Variants in ATXN7 observed in about 807,000 individuals in gnomAD.
The protein encoded by ATXN7 is ataxin-7.
A neutral mutation model predicts 70.5 loss-of-function variants in ATXN7; 12 were observed. The observed-to-expected ratio is 0.17, with a 90% CI of 0.11 to 0.28. The LOEUF (loss-of-function observed/expected upper bound fraction) is 0.28, where lower values mean the gene tolerates loss of function less well. ATXN7 is among the 10% of genes least tolerant of loss of function. The probability of loss-of-function intolerance (pLI) is 1.00; values close to 1 mark genes in which losing one functional copy is unlikely to be tolerated. For synonymous variants in ATXN7, 498 were observed against 448.7 expected (o/e 1.11, Z -1.39); for missense variants, 1,256 against 1,131.7 (o/e 1.11, Z -1.58).
chr3:63,999,573 A>T lies in ATXN7; in HGVS notation c.*106A>T. On this transcript the variant is annotated 3_prime_UTR_variant, in exon 13 of 13. Transcript: ENST00000674280. ...CGATGCCTTTGAGTCTGTTTTCCCA[A>T]CCTCCTGTGGGCCTCAAGGGTAGAA... The T allele has an allele frequency of 6.4e-7, 1 of 1,565,374 alleles. No individual in the cohort carries two copies. The highest frequency in any genetic ancestry group is 8.7e-7 in the Non-Finnish European group (1 of 1,151,784).
Position 63,996,439 on chromosome 3 carries a change from A to G in ATXN7, c.2617A>G (p.Ile873Val), listed in dbSNP as rs765730717. Residue 873 changes from isoleucine (I) to valine (V), a missense_variant, in exon 12 of 13, where the codon ATC becomes GTC. Ile to Val is a conservative substitution (Grantham distance 29). Transcript: ENST00000674280. ...NNVHMKHTGT[I>V]PGAQGLMNSS... is the part of the protein sequence containing the mutation. ...TGTCCACATGAAACACACAGGCACC[A>G]TCCCAGGGGCACAAGGACTGATGAA... The G allele has an allele frequency of 8.1e-6, 13 of 1,614,204 alleles. No individual in the cohort carries two copies. The highest frequency in any genetic ancestry group is 1.7e-5 in the Admixed American group (1 of 60,026).
At chr3:63,971,039 A>G (rs2075304908) in intron 5 of ATXN7, among the ~76,000 whole-genome samples, 1 of 152,278 alleles carries the variant, frequency 6.6e-6, no homozygotes, top group Non-Finnish European at 1.5e-5. Flanking sequence ...GCACCTCCGC[A>G]TTAGGGGGAG....
At chr3:63,865,925 A>AAAAAAG (rs1702409587) in intron 1 of ATXN7, among the ~76,000 whole-genome samples, 1 of 147,038 alleles carries the variant, frequency 6.8e-6, no homozygotes, top group Non-Finnish European at 1.5e-5. Context: ...AAAAAAAAAA[A>AAAAAAG]GAAAGTAATT....
chr3:63,913,313 T>TACCGACTC (rs1203918190), intron 4 of ATXN7, 88 bp downstream of exon 4: 1 of 1,323,340 alleles, frequency 7.6e-7, no homozygotes, highest in East Asian at 2.4e-5. Flanking sequence ...CAGCCCACCA[T>TACCGACTC]ACCGACTCCC....
Position 63,999,435 on chromosome 3 carries a change from C to A in ATXN7, c.2662-15C>A. 2 of 1,605,204 alleles carry A rather than the reference C, an allele frequency of 1.2e-6. No individual in the cohort carries two copies. The highest frequency in any genetic ancestry group is 1.7e-6 in the Non-Finnish European group (2 of 1,171,970). ...TTACCATTTCATTATTTCCCCACCC[C>A]CTCTTTTTTGAAAGCCAAAGGCACG... On this transcript the variant is annotated splice_polypyrimidine_tract_variant and intron_variant, in intron 12 of 12. Coordinates refer to ENST00000674280, the MANE Select transcript of ATXN7 (RefSeq NM_001377405.1).
intron 4 of ATXN7, among the ~76,000 whole-genome samples, chr3:63,916,622 C>G (rs1465090856): frequency 6.6e-6 from 1 of 151,716 alleles, no homozygotes; most frequent in East Asian, 1.9e-4. Context: ...GTAAACCTAC[C>G]CAAGGCAAGA....
chr3:63,946,234 G>A (rs1422237564), intron 4 of ATXN7, among the ~76,000 whole-genome samples: 1 of 152,180 alleles, frequency 6.6e-6, no homozygotes, highest in Admixed American at 6.5e-5. Context: ...TAAAGGGTAT[G>A]AGTAGGAGCC....
chr3:63,917,008 T>C (rs1049964157), intron 4 of ATXN7, among the ~76,000 whole-genome samples: 1 of 152,086 alleles, frequency 6.6e-6, no homozygotes, highest in Non-Finnish European at 1.5e-5. Context: ...CAACTTCCGC[T>C]TCCTGGGTTC....
chr3:63,928,809 T>C (rs1375486577), intron 4 of ATXN7, among the ~76,000 whole-genome samples: 2 of 152,242 alleles, frequency 1.3e-5, no homozygotes, highest in African/African-American at 4.8e-5. Context: ...GAATAGGCTT[T>C]TATTTATTGG....
At chr3:63,892,606 C>T (rs1415854422) in intron 1 of ATXN7, among the ~76,000 whole-genome samples, 2 of 152,092 alleles carry the variant, frequency 1.3e-5, no homozygotes, top group Admixed American at 6.6e-5. Flanking sequence ...GGTGAGTTTG[C>T]CTGGTGAGAG....
intron 1 of ATXN7, among the ~76,000 whole-genome samples, chr3:63,883,400 A>G (rs1211599867): frequency 6.6e-6 from 1 of 152,148 alleles, no homozygotes; most frequent in Non-Finnish European, 1.5e-5. Context: ...AGAATTGTCC[A>G]GTGTGTGTTG....
chr3:63,935,670 A>T lies in ATXN7; in HGVS notation c.395-16709A>T, dbSNP rs538502765. ...TCCTGTGTTGTGTGATGATGCCCTT[A>T]AACTGCCTTTCGTATGGTTTTGGAC... On this transcript the variant is annotated intron_variant, in intron 4 of 12. Coordinates refer to ENST00000674280, the MANE Select transcript of ATXN7 (RefSeq NM_001377405.1). Among the ~76,000 whole-genome samples, 3 of 152,248 alleles carry T rather than the reference A, an allele frequency of 2.0e-5. No individual in the cohort carries two copies. In the East Asian group the frequency reaches 5.8e-4, roughly 29 times the overall value.
chr3:63,937,318 C>T (rs1182539430), intron 4 of ATXN7, among the ~76,000 whole-genome samples: 1 of 152,084 alleles, frequency 6.6e-6, no homozygotes, highest in Non-Finnish European at 1.5e-5. Flanking sequence ...GTTCTTTTTT[C>T]TTCTTGTCTT....
intron 5 of ATXN7, among the ~76,000 whole-genome samples, chr3:63,978,593 A>G (rs369201595): frequency 5.3e-5 from 8 of 152,258 alleles, no homozygotes; most frequent in African/African-American, 1.9e-4. Context: ...CCTTATACAC[A>G]GCTTTCATTT....
At position 63,899,934 on chromosome 3, in the gene ATXN7, A is replaced by AT. The variant is rs1244582458; in HGVS notation, c.-12+1439dup. On this transcript the variant is annotated intron_variant, in intron 2 of 12. Transcript: ENST00000674280. ...GCCCGGCCTAAAAAAAATTTAAAAA[A>AT]TTAGTCAAGCACAGTGGTGCATGTG... 1.8e-4 allele frequency among the ~76,000 whole-genome samples: 27 copies of AT among 152,220 alleles called. No individual in the cohort carries two copies. In the South Asian group the frequency reaches 5.6e-3, roughly 32 times the overall value.
chr3:63,916,740 C>G (rs548865036), intron 4 of ATXN7, among the ~76,000 whole-genome samples: 104 of 152,204 alleles, frequency 6.8e-4, no homozygotes, highest in Non-Finnish European at 1.2e-3. Context: ...CCATTTGGCA[C>G]AAGTAGGCAA....
At chr3:63,930,408 C>G (rs549327364) in intron 4 of ATXN7, among the ~76,000 whole-genome samples, 2 of 152,184 alleles carry the variant, frequency 1.3e-5, no homozygotes, top group Non-Finnish European at 2.9e-5. Context: ...TGTGTAGCCC[C>G]TCCACAGCTT....
intron 1 of ATXN7, among the ~76,000 whole-genome samples, chr3:63,875,852 A>G (rs1490289617): frequency 2.6e-5 from 4 of 152,128 alleles, no homozygotes; most frequent in Admixed American, 6.5e-5. Context: ...CATTACTTTT[A>G]AAGTTTCATT....
chr3:63,919,881 T>C (rs974841258), intron 4 of ATXN7, among the ~76,000 whole-genome samples: 5 of 150,648 alleles, frequency 3.3e-5, no homozygotes, highest in African/African-American at 1.2e-4. Context: ...ACCATGAGAA[T>C]GGTGCTTGTG....
Sources: allele counts gnomAD v4.1 joint callset (sites outside exome capture counted in the v4.1 genomes callset), GRCh38; gene constraint gnomAD v4.1.1; transcripts MANE v1.5; gene names NCBI Gene and HGNC (gene_info 2026-07-23, HGNC 2026-07-21).